Variants in CEMIP observed in about 807,000 individuals in gnomAD.
CEMIP encodes the protein cell migration-inducing and hyaluronan-binding protein.
Under a neutral mutation model 156.9 loss-of-function variants are expected in CEMIP, and 105 were observed. The observed-to-expected ratio is 0.67, with a 90% CI of 0.57 to 0.79. CEMIP has a LOEUF of 0.79. Among genes scored for constraint, CEMIP ranks in the 30% least tolerant of loss-of-function variants. CEMIP has a pLI of 0.00. For missense variants in CEMIP, 1,457 were observed against 1,769.4 expected, an observed-to-expected ratio of 0.82 and a Z score of 3.17; for synonymous variants, 676 against 668.4, an observed-to-expected ratio of 1.01 and a Z score of -0.17.
chr15:80,800,021 A>ATGTGTGTGTG (rs56412231), intron 1 of CEMIP, among the ~76,000 whole-genome samples: 6,539 of 124,818 alleles, frequency 0.052, 384 homozygotes, highest in African/African-American at 0.13. Context: ...AGCTAATTTT[A>ATGTGTGTGTG]TGTGTGTGTG....
At position 80,949,361 on chromosome 15, in the gene CEMIP, A is replaced by C; in HGVS notation, c.*437A>C. 1 of 294,098 alleles carries C rather than the reference A, an allele frequency of 3.4e-6. No individual in the cohort carries two copies. Among genetic ancestry groups the C allele is most frequent in the South Asian group, 3.5e-5 (1 of 28,714 alleles). 18.2% of individuals were successfully genotyped at this position (294,098 alleles called of 1,614,324 possible). On this transcript the variant is annotated 3_prime_UTR_variant, in exon 30 of 30. Coordinates refer to ENST00000394685, the MANE Select transcript of CEMIP (RefSeq NM_001293298.2). Reference sequence around the variant, plus strand: ...GCAGACAAGTGAGGGTGGTAAATGTAGGAGAAAGAGCCTTGGCCTTAAGGA... The same window carrying C: ...GCAGACAAGTGAGGGTGGTAAATGTCGGAGAAAGAGCCTTGGCCTTAAGGA...
intron 12 of CEMIP, chr15:80,896,320 C>A: frequency 1.6e-6 from 1 of 637,442 alleles, no homozygotes; most frequent in Non-Finnish European, 2.9e-6. Context: ...GACTCCCATT[C>A]TTCCCAAAAC....
At chr15:80,917,631 T>C (rs1229772666) in intron 14 of CEMIP, among the ~76,000 whole-genome samples, 3 of 152,204 alleles carry the variant, frequency 2.0e-5, no homozygotes, top group African/African-American at 7.2e-5. Flanking sequence ...TGCCTATTAC[T>C]AAAGATGAAG....
At chr15:80,819,945 C>T (rs1463862245) in intron 1 of CEMIP, among the ~76,000 whole-genome samples, 1 of 152,202 alleles carries the variant, frequency 6.6e-6, no homozygotes, top group African/African-American at 2.4e-5. Flanking sequence ...TCTGAAACCC[C>T]TTGACTTCTG....
At chr15:80,874,145 T>G (rs1451242279) in intron 3 of CEMIP, among the ~76,000 whole-genome samples, 172 bp downstream of exon 3, 1 of 152,258 alleles carries the variant, frequency 6.6e-6, no homozygotes, top group African/African-American at 2.4e-5. Flanking sequence ...CGTTTCGTCC[T>G]GGGCTTCAGT....
chr15:80,840,312 A>G (rs944437115), intron 1 of CEMIP, among the ~76,000 whole-genome samples: 4 of 152,184 alleles, frequency 2.6e-5, no homozygotes, highest in South Asian at 4.1e-4. Context: ...GAGGGTGGGG[A>G]CGAGTCATTC....
At chr15:80,897,222 A>C (rs1291164208) in intron 12 of CEMIP, 1 of 455,420 alleles carries the variant, frequency 2.2e-6, no homozygotes. Context: ...GAGAAAGACC[A>C]TGGATTGAGA....
intron 7 of CEMIP, 119 bp from the exon 8 acceptor site, chr15:80,887,575 A>G (rs1400354334): frequency 2.7e-6 from 2 of 749,144 alleles, no homozygotes; most frequent in East Asian, 5.3e-5. Context: ...TCCCCCAAAC[A>G]GCAGGGAGGG....
At chr15:80,868,062 T>C (rs1898179799) in intron 1 of CEMIP, among the ~76,000 whole-genome samples, 1 of 152,092 alleles carries the variant, frequency 6.6e-6, no homozygotes, top group Admixed American at 6.5e-5. Context: ...GACTTTTGGG[T>C]CCTTAGCCAG....
In CEMIP at chr15:80,889,722, G is replaced by T. The variant is rs1039960102; in HGVS notation, c.1086+130G>T. Reference sequence around the variant, plus strand: ...CCTCCTGTGAGGTAGGTCAGCCAAAGAGTACCATTCCCACTTTAGAGACTG... The same window carrying T: ...CCTCCTGTGAGGTAGGTCAGCCAAATAGTACCATTCCCACTTTAGAGACTG... On this transcript the variant is annotated intron_variant, in intron 10 of 29. Coordinates refer to ENST00000394685, the MANE Select transcript of CEMIP (RefSeq NM_001293298.2). 7 of 1,164,972 alleles carry T rather than the reference G, an allele frequency of 6.0e-6. No individual in the cohort carries two copies. The African/African-American group carries it at 1.1e-4, about 18-fold the overall frequency. The allele number at this position is 1,164,972 out of a possible 1,614,324, so 72.2% of individuals were successfully genotyped here. A position where few individuals can be genotyped will look rare whatever the true frequency, so the allele number is the denominator to read the frequency against.
In CEMIP at chr15:80,943,924, C is replaced by T. The variant is rs578054379; in HGVS notation, c.3857+822C>T. Among the ~76,000 whole-genome samples, 12 of 152,254 alleles carry T rather than the reference C, an allele frequency of 7.9e-5. No homozygotes were observed. The South Asian group carries it at 2.5e-3, about 32-fold the overall frequency. On this transcript the variant is annotated intron_variant, in intron 28 of 29. Coordinates refer to ENST00000394685, the MANE Select transcript of CEMIP (RefSeq NM_001293298.2). Reference sequence around the variant, plus strand: ...CTCCTTAGCAAACTTTGGTAATTCCCCAGTACCTTACAAGTCTCCCCACAT... The same window carrying T: ...CTCCTTAGCAAACTTTGGTAATTCCTCAGTACCTTACAAGTCTCCCCACAT...
chr15:80,826,319 C>T (rs1023617050), intron 1 of CEMIP, among the ~76,000 whole-genome samples: 1 of 152,170 alleles, frequency 6.6e-6, no homozygotes, highest in Non-Finnish European at 1.5e-5. Context: ...TTTCCCCTGC[C>T]GCCTTCCTGG....
chr15:80,912,801 T>C (rs1456724658), intron 14 of CEMIP, among the ~76,000 whole-genome samples: 1 of 152,140 alleles, frequency 6.6e-6, no homozygotes, highest in African/African-American at 2.4e-5. Flanking sequence ...TATTTTACAT[T>C]TGCTTCCTTC....
intron 1 of CEMIP, among the ~76,000 whole-genome samples, chr15:80,830,371 T>TTGTC (rs1018934449): frequency 6.6e-6 from 1 of 152,206 alleles, no homozygotes; most frequent in Non-Finnish European, 1.5e-5. Context: ...CCACAGTTCT[T>TTGTC]TGTCTCTTAC....
In CEMIP at chr15:80,895,999, G is replaced by A. The variant is rs764946392; in HGVS notation, c.1350G>A (p.Gln450=). 2 of 1,614,164 alleles carry A rather than the reference G, an allele frequency of 1.2e-6. No individual in the cohort carries two copies. Among genetic ancestry groups the A allele is most frequent in the Non-Finnish European group, 1.7e-6 (2 of 1,180,030 alleles). ...CCAGTACTGATTACTCCATGTACCAGGCAGAAGAGTTCCAGGTGCTTCCCT... is the reference window on the plus strand; with the variant it reads ...CCAGTACTGATTACTCCATGTACCAAGCAGAAGAGTTCCAGGTGCTTCCCT... The part of the protein sequence containing the change: ...VIASTDYSMY[Q]AEEFQVLPCR... Residue 450 remains glutamine (Q), a synonymous_variant, in exon 12 of 30, where the codon CAG becomes CAA. Transcript: ENST00000394685.
intron 1 of CEMIP, among the ~76,000 whole-genome samples, chr15:80,810,223 A>G (rs1896625410): frequency 6.6e-6 from 1 of 152,196 alleles, no homozygotes; most frequent in African/African-American, 2.4e-5. Context: ...AGATTTCATA[A>G]AGTCTTATGA....
At chr15:80,929,287 C>A in intron 21 of CEMIP, 113 bp downstream of exon 21, 1 of 1,302,904 alleles carries the variant, frequency 7.7e-7, no homozygotes, top group Non-Finnish European at 1.1e-6. Flanking sequence ...ATTCTTCTAC[C>A]AGCCAGAGGA....
intron 10 of CEMIP, among the ~76,000 whole-genome samples, chr15:80,890,629 TC>T (rs1214299900): frequency 6.6e-6 from 1 of 151,266 alleles, no homozygotes; most frequent in African/African-American, 2.4e-5. Flanking sequence ...AGAAAGGCCA[TC>T]TCCACCCATT....
chr15:80,947,139 C>A, intron 29 of CEMIP, 74 bp downstream of exon 29: 2 of 942,700 alleles, frequency 2.1e-6, no homozygotes, highest in South Asian at 1.4e-5. Context: ...AGGGTGCTGT[C>A]ATCTTTTGCT....
Sources: allele counts gnomAD v4.1 joint callset (sites outside exome capture counted in the v4.1 genomes callset), GRCh38; gene constraint gnomAD v4.1.1; transcripts MANE v1.5; gene names NCBI Gene and HGNC (gene_info 2026-07-23, HGNC 2026-07-21).